Variants in EML5 observed in about 807,000 individuals in gnomAD.
The protein encoded by EML5 is echinoderm microtubule-associated protein-like 5.
In EML5, 120 loss-of-function variants were observed where a neutral mutation model predicts 250.0. The ratio of observed to expected loss-of-function variants is 0.48; its 90% CI spans 0.41 to 0.56. The LOEUF is 0.56. Among genes scored for constraint, EML5 ranks in the 20% least tolerant of loss-of-function variants. The pLI is 0.00. For missense variants in EML5, 2,006 were observed against 2,437.6 expected (o/e 0.82, Z 3.73); for synonymous variants, 771 against 806.5 (o/e 0.96, Z 0.75).
chr14:88,699,957 T>C (rs898541360), intron 14 of EML5, among the ~76,000 whole-genome samples: 5 of 151,982 alleles, frequency 3.3e-5, no homozygotes, highest in Non-Finnish European at 7.4e-5. Flanking sequence ...TATCTATATA[T>C]ACACACACAC....
intron 29 of EML5, chr14:88,644,798 C>T (rs985278071): frequency 9.3e-6 from 2 of 213,968 alleles, no homozygotes; most frequent in Non-Finnish European, 1.9e-5. Flanking sequence ...GCAACCTCTG[C>T]CTCCTGGATT....
intron 21 of EML5, among the ~76,000 whole-genome samples, chr14:88,679,137 T>C (rs2092662426): frequency 6.7e-6 from 1 of 149,888 alleles, no homozygotes; most frequent in Admixed American, 6.7e-5. Context: ...AGGACATCAG[T>C]CACTGGATTT....
chr14:88,630,740 T>C (rs757748735), intron 33 of EML5, among the ~76,000 whole-genome samples: 1 of 152,242 alleles, frequency 6.6e-6, no homozygotes, highest in Non-Finnish European at 1.5e-5. Flanking sequence ...TTTTAGGTCA[T>C]GGCTCTGAAA....
At chr14:88,678,434 A>C (rs994563527) in intron 21 of EML5, among the ~76,000 whole-genome samples, 1 of 152,152 alleles carries the variant, frequency 6.6e-6, no homozygotes, top group African/African-American at 2.4e-5. Context: ...GTATCCCGGA[A>C]CTTAAAATAA....
chr14:88,644,626 A>G (rs2091249472), intron 29 of EML5, 115 bp from the exon 30 acceptor site: 2 of 865,326 alleles, frequency 2.3e-6, no homozygotes, highest in Non-Finnish European at 3.7e-6. Flanking sequence ...AAGATGACCC[A>G]TTCTGTGGTC....
chr14:88,653,598 T>A (rs2091737825), intron 27 of EML5, among the ~76,000 whole-genome samples: 1 of 152,194 alleles, frequency 6.6e-6, no homozygotes, highest in Admixed American at 6.5e-5. Flanking sequence ...TGGATTACAT[T>A]TATTGATTTT....
chr14:88,760,350 G>T (rs918025646), intron 1 of EML5, among the ~76,000 whole-genome samples: 1 of 148,788 alleles, frequency 6.7e-6, no homozygotes. Context: ...ATAGTTGTTT[G>T]TTTGTTTGTT....
chr14:88,684,807 G>GA (rs1223467776), intron 20 of EML5, among the ~76,000 whole-genome samples: 2 of 151,382 alleles, frequency 1.3e-5, no homozygotes, highest in Non-Finnish European at 2.9e-5. Context: ...TACATTAACA[G>GA]AAAAAAACAA....
chr14:88,662,314 C>A (rs1595422962), intron 24 of EML5, among the ~76,000 whole-genome samples: 1 of 134,456 alleles, frequency 7.4e-6, no homozygotes, highest in Non-Finnish European at 1.6e-5. Flanking sequence ...TATTGTCAGG[C>A]ACAAAATGCA....
At chr14:88,787,565 C>A (rs2094563923) in intron 1 of EML5, among the ~76,000 whole-genome samples, 1 of 152,146 alleles carries the variant, frequency 6.6e-6, no homozygotes, top group African/African-American at 2.4e-5. Context: ...ACTTAATACA[C>A]ATCTATTACA....
chr14:88,638,742 G>T, intron 32 of EML5, 67 bp downstream of exon 32: 1 of 1,336,418 alleles, frequency 7.5e-7, no homozygotes, highest in South Asian at 1.4e-5. Flanking sequence ...TTTTTTCCTT[G>T]GATATTGAAT....
At chr14:88,707,215 A>T (rs1468668720) in intron 10 of EML5, among the ~76,000 whole-genome samples, 1 of 152,098 alleles carries the variant, frequency 6.6e-6, no homozygotes, top group Non-Finnish European at 1.5e-5. Context: ...TAATAAAGGA[A>T]TCATTTAACT....
chr14:88,662,339 G>GTTTTTTTTT lies in EML5; in HGVS notation c.3499-518_3499-510dup, dbSNP rs71127000. Among the ~76,000 whole-genome samples the GTTTTTTTTT allele has an allele frequency of 1.1e-3, 60 of 55,646 alleles. 2 individuals are homozygous for GTTTTTTTTT. The highest frequency in any genetic ancestry group is 3.6e-3 in the African/African-American group (57 of 15,656). 36.5% of individuals were successfully genotyped at this position (55,646 alleles called of 152,430 possible). Reference sequence around the variant, plus strand: ...CACAAAATGCAACACAATTTTTCTTGTTTTTTTTTTTTTTTTTTTTTTTTT... The same window carrying GTTTTTTTTT: ...CACAAAATGCAACACAATTTTTCTTGTTTTTTTTTTTTTTTTTTTTTTTTTTTTTTTTTT... On this transcript the variant is annotated intron_variant, in intron 24 of 43. Coordinates refer to ENST00000554922, the MANE Select transcript of EML5 (RefSeq NM_183387.3).
intron 36 of EML5, chr14:88,623,612 C>A (rs1031028615): frequency 6.6e-6 from 1 of 151,992 alleles, no homozygotes; most frequent in African/African-American, 2.4e-5. Context: ...TGGAGTTTCA[C>A]CATATTGGCC....
rs758065194 is a variant in EML5 at position 88,657,462 on chromosome 14, G to A, written c.3918C>T (p.Tyr1306=). 3 of 1,606,114 alleles carry A rather than the reference G, an allele frequency of 1.9e-6. No homozygotes were observed. The highest frequency in any genetic ancestry group is 1.3e-5 in the African/African-American group (1 of 74,776). Residue 1306 remains tyrosine, a synonymous_variant, in exon 27 of 44, where the codon TAC becomes TAT. Coordinates refer to ENST00000554922, the MANE Select transcript of EML5 (RefSeq NM_183387.3). The part of the protein sequence containing the change: ...SDVTRENEIS[Y]TIRALSTNIR... ...TATTTGTTGATAAGGCTCTGATGGT[G>A]TAACTGATTTCATTCTCCCTTGTAA...
chr14:88,689,999 CAAG>C (rs1230329936), intron 17 of EML5, among the ~76,000 whole-genome samples: 1 of 152,056 alleles, frequency 6.6e-6, no homozygotes, highest in Non-Finnish European at 1.5e-5. Flanking sequence ...TAAGCCTCAT[CAAG>C]AAGGTGTATC....
rs2087429251 is a variant in EML5 at position 88,615,350 on chromosome 14, T to C, written c.*468A>G. On this transcript the variant is annotated 3_prime_UTR_variant, in exon 44 of 44. Coordinates refer to ENST00000554922, the MANE Select transcript of EML5 (RefSeq NM_183387.3). ...TAAAAACTGTGATCCTTTAGGATGA[T>C]CATGACTTTCCCTTTCCTTATGGAA... 2 of 152,842 alleles carry C rather than the reference T, an allele frequency of 1.3e-5. No homozygotes were observed. Among genetic ancestry groups the C allele is most frequent in the African/African-American group, 4.8e-5 (2 of 41,472 alleles). 9.5% of individuals were successfully genotyped at this position (152,842 alleles called of 1,614,324 possible). A position where few individuals can be genotyped will look rare whatever the true frequency, so the allele number is the denominator to read the frequency against.
chr14:88,657,973 T>C (rs896088178), intron 26 of EML5, among the ~76,000 whole-genome samples: 1 of 152,204 alleles, frequency 6.6e-6, no homozygotes, highest in Non-Finnish European at 1.5e-5. Flanking sequence ...AAAATTCAGA[T>C]ATTTTTCATT....
At chr14:88,747,990 G>A (rs747338542) in intron 2 of EML5, among the ~76,000 whole-genome samples, 1 of 152,058 alleles carries the variant, frequency 6.6e-6, no homozygotes, top group Non-Finnish European at 1.5e-5. Context: ...CCTGAAAGAG[G>A]GGAAAACAAA....
Sources: gnomAD v4.1 joint callset for allele counts (sites outside exome capture counted in the v4.1 genomes callset) on GRCh38, gnomAD v4.1.1 for gene constraint, MANE v1.5 for transcripts, NCBI Gene and HGNC (gene_info 2026-07-23, HGNC 2026-07-21) for gene names.